NCOA4: variants seen among roughly 807,000 people sequenced by gnomAD.
The protein encoded by NCOA4 is 70 kDa AR-activator.
NCOA4 carries 31 observed loss-of-function variants against 69.5 expected under a neutral mutation model. The ratio of observed to expected loss-of-function variants is 0.45; its 90% confidence interval spans 0.34 to 0.60. The LOEUF is 0.60. Ranked by LOEUF, NCOA4 falls within the 20% of genes least tolerant of loss-of-function variation. The pLI is 0.02. For synonymous variants in NCOA4, 228 were observed against 252.4 expected (o/e 0.90, Z 0.92); for missense variants, 600 against 719.2 (o/e 0.83, Z 1.90).
intron 9 of NCOA4, chr10:46,009,134 G>A: frequency 1.3e-6 from 2 of 1,544,520 alleles, no homozygotes; most frequent in Non-Finnish European, 1.8e-6. Context: ...CTTCGAGGTA[G>A]GTATATAAAC....
intron 9 of NCOA4, among the ~76,000 whole-genome samples, chr10:46,007,384 G>A (rs1838892581): frequency 6.6e-6 from 1 of 152,148 alleles, no homozygotes; most frequent in Non-Finnish European, 1.5e-5. Flanking sequence ...AAAATGCAAG[G>A]TGAAGTAGCA....
chr10:46,014,416 G>T, intron 5 of NCOA4, 28 bp downstream of exon 5: 2 of 1,486,770 alleles, frequency 1.3e-6, no homozygotes, highest in Non-Finnish European at 1.9e-6. Flanking sequence ...TATGAGAAGT[G>T]CCCAGTGAAG....
At chr10:46,018,813 G>C (rs549522126) in intron 1 of NCOA4, among the ~76,000 whole-genome samples, 1 of 152,286 alleles carries the variant, frequency 6.6e-6, no homozygotes, top group Non-Finnish European at 1.5e-5. Context: ...GTGAAAAGTG[G>C]CCTACCCAGT....
intron 9 of NCOA4, among the ~76,000 whole-genome samples, chr10:46,007,714 C>T (rs1402430336): frequency 6.6e-6 from 1 of 151,404 alleles, no homozygotes; most frequent in East Asian, 1.9e-4. Context: ...CCTCAGCCTC[C>T]TGAGTAGCTG....
chr10:46,017,756 AAC>A (rs782249935), intron 1 of NCOA4, among the ~76,000 whole-genome samples: 1 of 152,330 alleles, frequency 6.6e-6, no homozygotes, highest in East Asian at 1.9e-4. Flanking sequence ...AGCGAAAGGA[AAC>A]ACAAATGGGA....
intron 1 of NCOA4, among the ~76,000 whole-genome samples, chr10:46,022,771 T>C (rs1449262514): frequency 6.6e-6 from 1 of 152,044 alleles, no homozygotes; most frequent in Non-Finnish European, 1.5e-5. Context: ...GGCCTAAAGG[T>C]TGTTTTTTAT....
chr10:46,018,114 C>T (rs10995219), intron 1 of NCOA4, among the ~76,000 whole-genome samples: 1 of 152,144 alleles, frequency 6.6e-6, no homozygotes, highest in African/African-American at 2.4e-5. Flanking sequence ...TTACAAAATA[C>T]TCAAAGGATG....
At chr10:46,009,305 A>G (rs1839054777) in intron 9 of NCOA4, 106 bp downstream of exon 9, 2 of 1,480,538 alleles carry the variant, frequency 1.4e-6, no homozygotes, top group Non-Finnish European at 1.9e-6. Flanking sequence ...ACATACTATT[A>G]AAAGGGATAT....
intron 7 of NCOA4, 72 bp from the exon 8 acceptor site, chr10:46,011,278 T>C (rs1206056037): frequency 2.7e-6 from 4 of 1,472,526 alleles, no homozygotes; most frequent in Non-Finnish European, 3.7e-6. Flanking sequence ...TCTGCACTTT[T>C]TCTTTTTTTG....
rs981002791 is a variant in NCOA4 at position 46,023,463 on chromosome 10, G to C, written c.-14-6769C>G. The C allele has an allele frequency of 7.1e-6, 7 of 985,504 alleles. 1 individual carries two copies. In the South Asian group the frequency reaches 2.3e-4, roughly 33 times the overall value. 61.0% of individuals were successfully genotyped at this position (985,504 alleles called of 1,614,324 possible). On this transcript the variant is annotated intron_variant, in intron 1 of 9. Coordinates refer to ENST00000581486, the MANE Select transcript of NCOA4 (RefSeq NM_001145263.2). The stretch of plus-strand genomic sequence containing the variant: ...GTCACACGGCAACTCCAGTTCGCCC[G>C]GGCCACTAGCGAGCTGGAGCGCTCA...
chr10:46,012,980 A>C lies in NCOA4; in HGVS notation c.617T>G (p.Leu206Arg). The C allele has an allele frequency of 6.2e-7, 1 of 1,614,194 alleles. No individual in the cohort carries two copies. The highest frequency in any genetic ancestry group is 8.5e-7 in the Non-Finnish European group (1 of 1,180,034). ...IVAVPFSEWL[L>R]GSKPASGYQA... is the part of the protein sequence containing the mutation. ...ATAACCACTGGCAGGTTTGCTTCCA[A>C]GGAGCCATTCGCTGAAAGGGACAGC... is the stretch of plus-strand genomic sequence containing the variant. Residue 206 changes from leucine to arginine, a missense_variant, in exon 7 of 10, where the codon CTT (leucine) becomes CGT (arginine). Leu to Arg is a moderately radical substitution (Grantham distance 102). Coordinates refer to ENST00000581486, the MANE Select transcript of NCOA4 (RefSeq NM_001145263.2).
chr10:46,023,469 C>T (rs939647064), intron 1 of NCOA4: 2 of 985,696 alleles, frequency 2.0e-6, no homozygotes, highest in Non-Finnish European at 2.4e-6. Context: ...GCCCGGGCCA[C>T]TAGCGAGCTG....
chr10:46,017,525 A>C (rs1053501718), intron 1 of NCOA4, among the ~76,000 whole-genome samples: 9 of 152,174 alleles, frequency 5.9e-5, no homozygotes, highest in African/African-American at 2.2e-4. Flanking sequence ...CCTGGGTAAG[A>C]GGGTGAAACT....
chr10:46,027,654 C>A, intron 1 of NCOA4: 1 of 622,240 alleles, frequency 1.6e-6, no homozygotes, highest in Non-Finnish European at 2.8e-6. Flanking sequence ...GAACTTAACC[C>A]AATGCATACA....
rs782351189 is a variant in NCOA4, at chr10:46,010,480, T to C, written c.1441A>G (p.Arg481Gly). The change falls in exon 8 of 10, where the codon AGA becomes GGA. Residue 481 changes from arginine (R) to glycine (G), a missense_variant. Physicochemically the swap from Arg to Gly is moderately radical, Grantham distance 125. Transcript: ENST00000581486. ...ATGACTTGGAAGGAATCAGCAATTCTAGAAGGAGTCATTGCCTTTGGTGCT... is the reference window on the plus strand; with the variant it reads ...ATGACTTGGAAGGAATCAGCAATTCCAGAAGGAGTCATTGCCTTTGGTGCT... Reference protein sequence around the residue: ...TKAPKAMTPSRIADSFQVIKN... With the variant: ...TKAPKAMTPSGIADSFQVIKN... The C allele has an allele frequency of 1.2e-5, 20 of 1,614,146 alleles. No individual in the cohort carries two copies. The highest frequency in any genetic ancestry group is 1.4e-5 in the Non-Finnish European group (17 of 1,180,054).
chr10:46,025,722 T>C (rs1186436101), intron 1 of NCOA4, among the ~76,000 whole-genome samples: 1 of 152,218 alleles, frequency 6.6e-6, no homozygotes, highest in African/African-American at 2.4e-5. Flanking sequence ...CCTCAATACT[T>C]TTGGCCAATA....
At chr10:46,007,234 G>A (rs1554920005) in intron 9 of NCOA4, among the ~76,000 whole-genome samples, 4 of 152,168 alleles carry the variant, frequency 2.6e-5, no homozygotes, top group African/African-American at 9.7e-5. Flanking sequence ...CATTCCCTTA[G>A]GCCAAAGCGT....
intron 1 of NCOA4, among the ~76,000 whole-genome samples, chr10:46,027,165 G>A (rs1840200062): frequency 6.6e-6 from 1 of 151,506 alleles, no homozygotes; most frequent in Admixed American, 6.6e-5. Context: ...CAGCTACTCG[G>A]GAGGCTGAGG....
chr10:46,028,639 A>T (rs1448691608), intron 1 of NCOA4, among the ~76,000 whole-genome samples: 3 of 152,076 alleles, frequency 2.0e-5, no homozygotes, highest in African/African-American at 4.8e-5. Flanking sequence ...ATCTGAGTCC[A>T]AAGTCCCTAA....
Sources: gnomAD v4.1 joint callset for allele counts (sites outside exome capture counted in the v4.1 genomes callset) on GRCh38, gnomAD v4.1.1 for gene constraint, MANE v1.5 for transcripts, NCBI Gene and HGNC (gene_info 2026-07-23, HGNC 2026-07-21) for gene names.